Variants in FBRSL1 observed in about 807,000 individuals in gnomAD.
The protein encoded by FBRSL1 is fibrosin like 1.
A neutral mutation model predicts 89.6 loss-of-function variants in FBRSL1; 51 were observed. The ratio of observed to expected loss-of-function variants is 0.57; its 90% CI spans 0.45 to 0.72. The LOEUF is 0.72. FBRSL1 is among the 30% of genes least tolerant of loss of function. The pLI is 0.00. For missense variants in FBRSL1, 1,618 were observed against 1,451.8 expected (o/e 1.11, Z -1.86); for synonymous variants, 779 against 681.1 (o/e 1.14, Z -2.24).
In FBRSL1 at chr12:132,584,560, C is replaced by T. The variant is rs1184890307; in HGVS notation, c.*782C>T. 1 of 152,212 alleles carries T rather than the reference C, an allele frequency of 6.6e-6. No individual in the cohort carries two copies. Among genetic ancestry groups the T allele is most frequent in the Non-Finnish European group, 1.5e-5 (1 of 68,042 alleles). 9.4% of individuals were successfully genotyped at this position (152,212 alleles called of 1,614,324 possible). A position where few individuals can be genotyped will look rare whatever the true frequency, so the allele number is the denominator to read the frequency against. The stretch of plus-strand genomic sequence containing the variant: ...TTTCCTTCAACTATGCAAGCGCTTC[C>T]CGGCGGCTCTGCTGGTTGGGGGAGG... On this transcript the variant is annotated 3_prime_UTR_variant, in exon 19 of 19. Coordinates refer to ENST00000680143, the MANE Select transcript of FBRSL1 (RefSeq NM_001367871.1).
chr12:132,577,843 G>T (rs2040476160), intron 15 of FBRSL1, among the ~76,000 whole-genome samples: 1 of 152,270 alleles, frequency 6.6e-6, no homozygotes, highest in Admixed American at 6.5e-5. Flanking sequence ...AGGGCCAGCT[G>T]TGTGCACAGA....
chr12:132,509,799 T>C (rs903970781), intron 2 of FBRSL1: 2 of 1,230,896 alleles, frequency 1.6e-6, no homozygotes, highest in Non-Finnish European at 2.0e-6. Context: ...CCGGCCCCTG[T>C]GGTCGCTGCT....
At chr12:132,493,156 G>A (rs559482236) in intron 1 of FBRSL1, among the ~76,000 whole-genome samples, 48 of 152,354 alleles carry the variant, frequency 3.2e-4, no homozygotes, top group African/African-American at 1.1e-3. Flanking sequence ...TAGAGTGAGC[G>A]GGCGCTGCCC....
In FBRSL1 at chr12:132,574,475, G is replaced by C. The variant is rs376282005; in HGVS notation, c.1630-18G>C. 9 of 1,549,544 alleles carry C rather than the reference G, an allele frequency of 5.8e-6. No individual in the cohort carries two copies. Among genetic ancestry groups the C allele is most frequent in the African/African-American group, 4.1e-5 (3 of 73,022 alleles). On this transcript the variant is annotated intron_variant, in intron 13 of 18. Transcript: ENST00000680143. ...GGGGGTGGCACCAGCCCCACTGAGC[G>C]CTTCCATCCTGTCGCAGAAGCCGGG...
At chr12:132,495,750 G>A (rs2031912655) in intron 1 of FBRSL1, among the ~76,000 whole-genome samples, 1 of 152,220 alleles carries the variant, frequency 6.6e-6, no homozygotes, top group Non-Finnish European at 1.5e-5. Context: ...GGACTCAGAG[G>A]CCCTGAAAGC....
At chr12:132,511,851 C>T in intron 2 of FBRSL1, 2 of 985,292 alleles carry the variant, frequency 2.0e-6, no homozygotes, top group South Asian at 9.4e-5. Flanking sequence ...CCACCCGGGC[C>T]CCTTCCTCCG....
At chr12:132,525,551 G>A (rs760647201) in intron 2 of FBRSL1, among the ~76,000 whole-genome samples, 183 bp from the exon 3 acceptor site, 1 of 152,158 alleles carries the variant, frequency 6.6e-6, no homozygotes, top group Non-Finnish European at 1.5e-5. Flanking sequence ...TGCTGCTCCC[G>A]CCCCCAGACC....
intron 8 of FBRSL1, 119 bp downstream of exon 8, chr12:132,570,659 C>T (rs78325485): frequency 1.2e-3 from 1,153 of 931,490 alleles, no homozygotes; most frequent in Non-Finnish European, 1.6e-3. Context: ...GGACCCTGCG[C>T]GCCTCTCTGA....
chr12:132,518,816 A>G (rs942113686), intron 2 of FBRSL1, among the ~76,000 whole-genome samples: 3 of 148,120 alleles, frequency 2.0e-5, no homozygotes, highest in African/African-American at 7.6e-5. Flanking sequence ...CCATGCATCC[A>G]CCCATCTACC....
chr12:132,493,672 C>T (rs1471108606), intron 1 of FBRSL1, among the ~76,000 whole-genome samples: 1 of 152,174 alleles, frequency 6.6e-6, no homozygotes, highest in East Asian at 1.9e-4. Flanking sequence ...CTGGATGGGA[C>T]ACACAGGCTG....
At chr12:132,535,741 C>G (rs1036368838) in intron 4 of FBRSL1, among the ~76,000 whole-genome samples, 1 of 152,268 alleles carries the variant, frequency 6.6e-6, no homozygotes, top group Non-Finnish European at 1.5e-5. Flanking sequence ...GTTAGGAGTC[C>G]TGCATGTGTG....
At chr12:132,563,824 G>C (rs4992758) in intron 5 of FBRSL1, among the ~76,000 whole-genome samples, 1,786 of 23,632 alleles carry the variant, frequency 0.076, 32 homozygotes, top group East Asian at 0.24. Flanking sequence ...CCCCGAGCTT[G>C]TGTGCACCCC....
At chr12:132,528,514 G>A (rs1036917873) in intron 4 of FBRSL1, among the ~76,000 whole-genome samples, 7 of 152,104 alleles carry the variant, frequency 4.6e-5, no homozygotes, top group East Asian at 1.9e-4. Flanking sequence ...ACCCCGTGGC[G>A]GGCAGGGGGA....
chr12:132,537,066 C>T (rs1482746880), intron 4 of FBRSL1, among the ~76,000 whole-genome samples: 1 of 152,126 alleles, frequency 6.6e-6, no homozygotes, highest in Admixed American at 6.5e-5. Flanking sequence ...CACCAGGAAC[C>T]CCCTTGCTGT....
At chr12:132,574,842 C>T (rs1289631337) in intron 14 of FBRSL1, among the ~76,000 whole-genome samples, 2 of 152,122 alleles carry the variant, frequency 1.3e-5, no homozygotes, top group African/African-American at 2.4e-5. Flanking sequence ...CACGGGGTGC[C>T]GCACCAGCTC....
At chr12:132,569,404 T>C (rs752795509) in intron 6 of FBRSL1, among the ~76,000 whole-genome samples, 5 of 151,928 alleles carry the variant, frequency 3.3e-5, no homozygotes, top group Non-Finnish European at 7.4e-5. Context: ...CACCAGGGGG[T>C]TCCAGAAAGA....
At chr12:132,512,032 G>A in intron 2 of FBRSL1, 1 of 985,166 alleles carries the variant, frequency 1.0e-6, no homozygotes, top group Non-Finnish European at 1.2e-6. Flanking sequence ...TGCTGGGCTT[G>A]GCTCGGGATT....
At chr12:132,510,502 C>T in intron 2 of FBRSL1, 3 of 1,231,998 alleles carry the variant, frequency 2.4e-6, no homozygotes, top group East Asian at 3.2e-5. Flanking sequence ...GTGATCTGCA[C>T]CCTGGCAGGG....
Position 132,582,979 on chromosome 12 carries a change from T to A in FBRSL1, c.2210T>A (p.Leu737Gln). The change falls in exon 19 of 19, where the codon CTG (leucine) becomes CAG (glutamine). Residue 737 changes from leucine to glutamine, a missense_variant. Leu to Gln is a moderately radical substitution (Grantham distance 113). Coordinates refer to ENST00000680143, the MANE Select transcript of FBRSL1 (RefSeq NM_001367871.1). ...CGCCCTGCCGCCCCCAGGGACCTCC[T>A]GGAGAAGACGCGCCTGCTGAGCCGG... Reference protein sequence around the residue: ...NGKEEQERDLLEKTRLLSRAS... With the variant: ...NGKEEQERDLQEKTRLLSRAS... 1 of 1,432,746 alleles carries A rather than the reference T, an allele frequency of 7.0e-7. No individual in the cohort carries two copies. The highest frequency in any genetic ancestry group is 1.5e-5 in the African/African-American group (1 of 66,162). 88.8% of individuals were successfully genotyped at this position (1,432,746 alleles called of 1,614,324 possible).
Sources: allele counts gnomAD v4.1 joint callset (sites outside exome capture counted in the v4.1 genomes callset), GRCh38; gene constraint gnomAD v4.1.1; transcripts MANE v1.5; gene names NCBI Gene and HGNC (gene_info 2026-07-23, HGNC 2026-07-21).